VAV2: variants seen among roughly 807,000 people sequenced by gnomAD.
The protein encoded by VAV2 is guanine nucleotide exchange factor VAV2.
In VAV2, 67 loss-of-function variants were observed where a neutral mutation model predicts 132.5. The observed-to-expected ratio is 0.51, with a 90% CI of 0.42 to 0.62. The LOEUF (loss-of-function observed/expected upper bound fraction) is 0.62, where lower values mean the gene tolerates loss of function less well. Among genes scored for constraint, VAV2 ranks in the 20% least tolerant of loss-of-function variants. The pLI, the probability that VAV2 is intolerant of heterozygous loss-of-function variation, is 0.00. For synonymous variants in VAV2, 492 were observed against 443.5 expected (o/e 1.11, Z -1.37); for missense variants, 938 against 1,153.6 (o/e 0.81, Z 2.71).
chr9:133,857,037 T>C lies in VAV2; in HGVS notation c.380+4337A>G, dbSNP rs965076180. ...TCCCAGCCTACAGAAGAGACAAAGGTTCCAAGAGCATCCCTGCCCAAGGTC... is the reference window on the plus strand; with the variant it reads ...TCCCAGCCTACAGAAGAGACAAAGGCTCCAAGAGCATCCCTGCCCAAGGTC... On this transcript the variant is annotated intron_variant, in intron 3 of 29. Transcript: ENST00000371850. This position sits in a 1 kb window ranked among gnomAD's most constrained non-coding sequence, Gnocchi z 4.0. 6.6e-6 allele frequency among the ~76,000 whole-genome samples: 1 copy of C among 151,954 alleles called. No individual in the cohort carries two copies. The highest frequency in any genetic ancestry group is 2.4e-5 in the African/African-American group (1 of 41,350).
chr9:133,827,874 T>C (rs1279267606), intron 4 of VAV2, among the ~76,000 whole-genome samples: 9 of 24 alleles, frequency 0.38, 1 homozygote, highest in Non-Finnish European at 0.35. Context: ...GACCACTGAG[T>C]GGGGGCATCG....
intron 23 of VAV2, among the ~76,000 whole-genome samples, chr9:133,776,985 T>C (rs1833838578): frequency 6.6e-6 from 1 of 152,214 alleles, no homozygotes. Flanking sequence ...TTAAATAGCA[T>C]AAAGTCTAGC....
At chr9:133,865,531 C>T (rs1837763754) in intron 2 of VAV2, among the ~76,000 whole-genome samples, 1 of 152,132 alleles carries the variant, frequency 6.6e-6, no homozygotes, top group African/African-American at 2.4e-5. Flanking sequence ...TCAACAATCT[C>T]AATTTTCATT....
rs10993821 is a variant in VAV2, at chr9:133,847,350, C to T, written c.381-13010G>A. Among the ~76,000 whole-genome samples, 603 of 152,334 alleles carry T rather than the reference C, an allele frequency of 4.0e-3. 6 individuals are homozygous for T. Among genetic ancestry groups the T allele is most frequent in the African/African-American group, 0.014 (580 of 41,572 alleles). ...CAACCCTAGCCGGGACCTTGCACCG[C>T]GCCTCAGCGTGAGCAGCCCCACCTC... On this transcript the variant is annotated intron_variant, in intron 3 of 29. Coordinates refer to ENST00000371850, the MANE Select transcript of VAV2 (RefSeq NM_001134398.2).
chr9:133,859,095 G>A (rs1003159688), intron 3 of VAV2, among the ~76,000 whole-genome samples: 16 of 152,278 alleles, frequency 1.1e-4, no homozygotes, highest in South Asian at 2.1e-4. Context: ...CGTGGGGGAC[G>A]GAGGGGGTGG....
rs1838642241 is a variant in VAV2 at position 133,884,922 on chromosome 9, C to A, written c.322-23490G>T. 6.6e-6 allele frequency among the ~76,000 whole-genome samples: 1 copy of A among 152,164 alleles called. No individual in the cohort carries two copies. Among genetic ancestry groups the A allele is most frequent in the Non-Finnish European group, 1.5e-5 (1 of 68,040 alleles). ...CTGTCCACAACTCACACCCTCAGCC[C>A]CACTTCCAGCCTGATGAACCCACCT... is the stretch of plus-strand genomic sequence containing the variant. On this transcript the variant is annotated intron_variant, in intron 2 of 29. Transcript: ENST00000371850. The surrounding 1 kb of genome is among the most constrained non-coding windows in gnomAD (Gnocchi z 5.3).
intron 2 of VAV2, among the ~76,000 whole-genome samples, chr9:133,869,255 C>G (rs896836468): frequency 2.0e-5 from 3 of 151,884 alleles, no homozygotes; most frequent in Non-Finnish European, 4.4e-5. Flanking sequence ...CCCAAAGTGC[C>G]GGGATTACAG....
At chr9:133,897,285 G>A (rs1839248853) in intron 2 of VAV2, among the ~76,000 whole-genome samples, 1 of 152,138 alleles carries the variant, frequency 6.6e-6, no homozygotes. Flanking sequence ...AAGTGGCAGA[G>A]GCGTCCAGGC....
intron 3 of VAV2, among the ~76,000 whole-genome samples, chr9:133,852,038 GGA>G (rs1837207342): frequency 6.7e-6 from 1 of 148,614 alleles, no homozygotes; most frequent in African/African-American, 2.4e-5. Flanking sequence ...ATGTATGGAT[GGA>G]TGGATGTATG....
At chr9:133,891,832 A>AGGGAGGGG (rs1838985369) in intron 2 of VAV2, among the ~76,000 whole-genome samples, 1 of 4,620 alleles carries the variant, frequency 2.2e-4, no homozygotes, top group Non-Finnish European at 4.2e-4. Flanking sequence ...GGATGGAGGG[A>AGGGAGGGG]GAGGGATGGA....
chr9:133,856,558 C>T (rs1323926784), intron 3 of VAV2, among the ~76,000 whole-genome samples: 1 of 152,216 alleles, frequency 6.6e-6, no homozygotes, highest in East Asian at 1.9e-4. Flanking sequence ...AGCCTCCCAG[C>T]CAATCCAGGG....
At chr9:133,900,028 A>T (rs956727711) in intron 2 of VAV2, among the ~76,000 whole-genome samples, 6 of 112,270 alleles carry the variant, frequency 5.3e-5, no homozygotes, top group Non-Finnish European at 9.0e-5. Flanking sequence ...CTCAAAAAAA[A>T]TAAATAAATA....
chr9:133,866,654 A>C (rs1837811870), intron 2 of VAV2, among the ~76,000 whole-genome samples: 1 of 152,086 alleles, frequency 6.6e-6, no homozygotes, highest in Non-Finnish European at 1.5e-5. Context: ...GAATACAAAA[A>C]AATTAGCCGG....
chr9:133,829,076 GC>G (rs1048200898), intron 4 of VAV2, among the ~76,000 whole-genome samples: 1 of 152,174 alleles, frequency 6.6e-6, no homozygotes, highest in African/African-American at 2.4e-5. Flanking sequence ...CAGGCTGGGA[GC>G]CCCCCAGTGC....
At chr9:133,809,165 G>A in intron 6 of VAV2, 27 bp from the exon 7 acceptor site, 1 of 1,604,284 alleles carries the variant, frequency 6.2e-7, no homozygotes, top group Non-Finnish European at 8.5e-7. Flanking sequence ...GGAGTCAGCA[G>A]GACCCCATGG....
In VAV2 at chr9:133,834,488, G is replaced by T; in HGVS notation, c.381-148C>A. On this transcript the variant is annotated intron_variant, in intron 3 of 29. Transcript: ENST00000371850. This position sits in a 1 kb window ranked among gnomAD's most constrained non-coding sequence, Gnocchi z 5.9. ...CTCTCTGGAAGGACACAGGGTGCGC[G>T]GACACTGATCGGAGTCACAGGACGA... 1 of 803,796 alleles carries T rather than the reference G, an allele frequency of 1.2e-6. No individual in the cohort carries two copies. Among genetic ancestry groups the T allele is most frequent in the Non-Finnish European group, 2.0e-6 (1 of 512,110 alleles). The allele number at this position is 803,796 out of a possible 1,614,324, so 49.8% of individuals were successfully genotyped here. A position where few individuals can be genotyped will look rare whatever the true frequency, so the allele number is the denominator to read the frequency against.
intron 1 of VAV2, among the ~76,000 whole-genome samples, chr9:133,950,146 C>A (rs973097733): frequency 6.6e-6 from 1 of 152,258 alleles, no homozygotes; most frequent in South Asian, 2.1e-4. Context: ...GGCTGCCCAG[C>A]AACCCCTGGC....
rs987339774 is a variant in VAV2 at position 133,762,943 on chromosome 9, A to C, written c.*1119T>G. 6.5e-6 allele frequency: 1 copy of C among 152,710 alleles called. No individual in the cohort carries two copies. The highest frequency in any genetic ancestry group is 1.5e-5 in the Non-Finnish European group (1 of 68,142). 9.5% of individuals were successfully genotyped at this position (152,710 alleles called of 1,614,324 possible). On this transcript the variant is annotated 3_prime_UTR_variant, in exon 30 of 30. Coordinates refer to ENST00000371850, the MANE Select transcript of VAV2 (RefSeq NM_001134398.2). The surrounding 1 kb of genome is among the most constrained non-coding windows in gnomAD (Gnocchi z 5.0). ...GGTCTCATGCAACATCAGGGTAGAGAAACCAGGGTCTGGCTAACCCAGCCA... is the reference window on the plus strand; with the variant it reads ...GGTCTCATGCAACATCAGGGTAGAGCAACCAGGGTCTGGCTAACCCAGCCA...
chr9:133,807,408 G>T, intron 7 of VAV2, 82 bp from the exon 8 acceptor site: 2 of 1,414,088 alleles, frequency 1.4e-6, no homozygotes, highest in Non-Finnish European at 1.9e-6. Context: ...GAGGGTCCCA[G>T]GGCAGCTCCG....
Sources: gnomAD v4.1 joint callset for allele counts (sites outside exome capture counted in the v4.1 genomes callset) on GRCh38, gnomAD v4.1.1 for gene constraint, Gnocchi (gnomAD v3.1) non-coding constraint, MANE v1.5 for transcripts, NCBI Gene and HGNC (gene_info 2026-07-23, HGNC 2026-07-21) for gene names.